AHCY: variants seen among roughly 807,000 people sequenced by gnomAD.
The protein encoded by AHCY is S-adenosyl-L-homocysteine hydrolase.
Under a neutral mutation model 45.4 loss-of-function variants are expected in AHCY, and 24 were observed. The observed-to-expected ratio is 0.53, with a 90% confidence interval of 0.38 to 0.74. The LOEUF (loss-of-function observed/expected upper bound fraction) is 0.74, where lower values mean the gene tolerates loss of function less well. Among genes scored for constraint, AHCY ranks in the 30% least tolerant of loss-of-function variants. The probability of loss-of-function intolerance (pLI) is 0.00; values close to 1 mark genes in which losing one functional copy is unlikely to be tolerated. For synonymous variants in AHCY, 245 were observed against 235.1 expected, an observed-to-expected ratio of 1.04 and a Z score of -0.39; for missense variants, 449 against 594.1, an observed-to-expected ratio of 0.76 and a Z score of 2.54.
At chr20:34,311,645 A>C (rs1308574763) in exon 1 of AHCY, 1 of 152,518 alleles carries the variant, frequency 6.6e-6, no homozygotes, top group East Asian at 1.9e-4. Flanking sequence ...CTCTGGATTA[A>C]CTGGAGGCTT....
rs747757486 is a variant in AHCY at position 34,295,557 on chromosome 20, G to T, written c.57C>A (p.Arg19=). The change falls in exon 2 of 10, where the codon CGC becomes CGA. Residue 19 remains arginine (R), a synonymous_variant. Coordinates refer to ENST00000217426, the MANE Select transcript of AHCY (RefSeq NM_000687.4). ...VADIGLAAWG[R]KALDIAENEM... is the part of the protein sequence containing the mutation. ...CGTTCTCAGCAATGTCCAGGGCCTT[G>T]CGTCCCCAGGCAGCCAGGCCGATGT... is the stretch of plus-strand genomic sequence containing the variant. 6.2e-7 allele frequency: 1 copy of T among 1,614,124 alleles called. No individual in the cohort carries two copies. The highest frequency in any genetic ancestry group is 8.5e-7 in the Non-Finnish European group (1 of 1,180,010).
intron 3 of AHCY, 98 bp from the exon 4 acceptor site, chr20:34,292,605 C>T (rs1601663420): frequency 6.5e-7 from 1 of 1,542,748 alleles, no homozygotes; most frequent in African/African-American, 1.4e-5. Context: ...TTCCCAACTC[C>T]CATCCCCAGC....
At chr20:34,295,353 G>C (rs2036538579) in intron 2 of AHCY, 42 bp downstream of exon 2, 1 of 1,611,592 alleles carries the variant, frequency 6.2e-7, no homozygotes, top group African/African-American at 1.3e-5. Context: ...GCTGAACCCA[G>C]GGAGGGCAAG....
At chr20:34,277,773 A>AC (rs1370960018), downstream of AHCY, among the ~76,000 whole-genome samples, 32 of 151,428 alleles carry the variant, frequency 2.1e-4, no homozygotes, top group Admixed American at 1.7e-3. Context: ...AAAAAAAAAA[A>AC]AAAAAACTCA....
downstream of AHCY, chr20:34,280,216 A>G (rs1213756609): frequency 1.3e-5 from 2 of 152,212 alleles, no homozygotes; most frequent in Admixed American, 6.5e-5. Context: ...CCCCCTATTC[A>G]TGGCATACAT....
the AHCY span, among the ~76,000 whole-genome samples, chr20:34,250,727 G>C: frequency 2.0e-5 from 3 of 152,138 alleles, no homozygotes; most frequent in African/African-American, 7.2e-5. Flanking sequence ...AACCCGGGAG[G>C]TGGAGGTGCC....
downstream of AHCY, among the ~76,000 whole-genome samples, chr20:34,275,821 C>A (rs1004267843): frequency 1.4e-4 from 22 of 151,734 alleles, no homozygotes; most frequent in African/African-American, 5.3e-4. Context: ...GGATTACAGG[C>A]GTGCATCACC....
chr20:34,304,417 T>A (rs2036868941), upstream of AHCY, among the ~76,000 whole-genome samples: 1 of 152,240 alleles, frequency 6.6e-6, no homozygotes. Context: ...ACTTTAATCA[T>A]CTCTAGATTA....
the AHCY span, among the ~76,000 whole-genome samples, chr20:34,265,580 T>C: frequency 6.0e-4 from 91 of 152,236 alleles, no homozygotes; most frequent in Middle Eastern, 0.014. Context: ...AACCCCTGCA[T>C]TGTTCAAGGG....
At chr20:34,295,349 C>T (rs1282788753) in intron 2 of AHCY, 46 bp downstream of exon 2, 1 of 1,609,300 alleles carries the variant, frequency 6.2e-7, no homozygotes, top group African/African-American at 1.3e-5. Flanking sequence ...CCTGGCTGAA[C>T]CCAGGGAGGG....
intron 1 of AHCY, among the ~76,000 whole-genome samples, chr20:34,309,882 TAGGGAGGGAAGG>T (rs1379095000): frequency 1.1e-5 from 1 of 92,348 alleles, no homozygotes; most frequent in Non-Finnish European, 2.2e-5. Flanking sequence ...GAAAAGGAGG[TAGGGAGGGAAGG>T]AGGGAGGGAG....
intron 1 of AHCY, among the ~76,000 whole-genome samples, chr20:34,309,607 CCT>C (rs374605372): frequency 5.3e-5 from 8 of 152,038 alleles, no homozygotes; most frequent in African/African-American, 1.9e-4. Context: ...AGAGGAAACC[CCT>C]GTCTCCACTA....
At chr20:34,284,215 A>T (rs1351767174) in intron 9 of AHCY, among the ~76,000 whole-genome samples, 1 of 151,964 alleles carries the variant, frequency 6.6e-6, no homozygotes, top group East Asian at 1.9e-4. Flanking sequence ...GCTGGAGTGC[A>T]GTGGCACAAT....
the AHCY span, among the ~76,000 whole-genome samples, chr20:34,245,086 A>G: frequency 6.6e-6 from 1 of 152,080 alleles, no homozygotes; most frequent in African/African-American, 2.4e-5. Flanking sequence ...CTGTAATCCC[A>G]GCACTTTGGG....
At chr20:34,260,579 A>C in the AHCY span, 14 of 1,547,854 alleles carry the variant, frequency 9.0e-6, no homozygotes, top group South Asian at 8.5e-5. Context: ...GAGGGGCTGC[A>C]GGAGATCAAG....
upstream of AHCY, among the ~76,000 whole-genome samples, chr20:34,306,689 C>T (rs1212050288): frequency 2.6e-5 from 4 of 152,082 alleles, no homozygotes; most frequent in African/African-American, 7.2e-5. Context: ...AATGGATGAA[C>T]AGTTAAACAA....
chr20:34,240,154 AAAAG>A, the AHCY span, among the ~76,000 whole-genome samples: 1 of 152,222 alleles, frequency 6.6e-6, no homozygotes, highest in Non-Finnish European at 1.5e-5. Flanking sequence ...AGAAGGGAAA[AAAAG>A]AGAAAAAAGA....
intron 1 of AHCY, among the ~76,000 whole-genome samples, chr20:34,297,219 C>T (rs571672192): frequency 4.7e-4 from 72 of 152,244 alleles, no homozygotes; most frequent in Middle Eastern, 3.4e-3. Flanking sequence ...ACCCGACCCT[C>T]CACTGCACCG....
the AHCY span, among the ~76,000 whole-genome samples, chr20:34,244,430 T>A: frequency 6.6e-6 from 1 of 152,166 alleles, no homozygotes; most frequent in Non-Finnish European, 1.5e-5. Context: ...GGCCTTCCAC[T>A]CAGAACAATG....
Sources: gnomAD v4.1 joint callset for allele counts (sites outside exome capture counted in the v4.1 genomes callset) on GRCh38, gnomAD v4.1.1 for gene constraint, MANE v1.5 for transcripts, NCBI Gene and HGNC (gene_info 2026-07-23, HGNC 2026-07-21) for gene names.